Variants in EIF3H observed in about 807,000 individuals in gnomAD.
The protein encoded by EIF3H is eIF-3-gamma.
EIF3H carries 26 observed loss-of-function variants against 44.2 expected under a neutral mutation model. The observed-to-expected ratio is 0.59, with a 90% CI of 0.43 to 0.82. The LOEUF (loss-of-function observed/expected upper bound fraction) is 0.82. Ranked by LOEUF, EIF3H falls within the 40% of genes least tolerant of loss-of-function variation. The pLI is 0.00. For missense variants in EIF3H, 359 were observed against 432.8 expected, an observed-to-expected ratio of 0.83 and a Z score of 1.51; for synonymous variants, 166 against 151.9, an observed-to-expected ratio of 1.09 and a Z score of -0.68.
intron 1 of EIF3H, among the ~76,000 whole-genome samples, chr8:116,727,614 T>C (rs545057760): frequency 3.7e-4 from 56 of 152,230 alleles, no homozygotes; most frequent in Non-Finnish European, 3.5e-4. Context: ...GTCCTGAGTG[T>C]CAGCTTAACA....
At chr8:116,734,101 A>G (rs1383341573) in intron 1 of EIF3H, among the ~76,000 whole-genome samples, 1 of 152,258 alleles carries the variant, frequency 6.6e-6, no homozygotes. Flanking sequence ...CAAATTATGT[A>G]TTATTATGAA....
chr8:116,763,440 T>C (rs1815537135), intron 1 of EIF3H, among the ~76,000 whole-genome samples: 1 of 152,256 alleles, frequency 6.6e-6, no homozygotes, highest in Admixed American at 6.5e-5. Context: ...TTTTGTAATT[T>C]GAAATACATA....
At chr8:116,681,282 G>A (rs942918892) in intron 2 of EIF3H, among the ~76,000 whole-genome samples, 7 of 152,136 alleles carry the variant, frequency 4.6e-5, no homozygotes, top group Non-Finnish European at 1.5e-5. Flanking sequence ...AGAATCACTT[G>A]AACTGGGAGG....
At chr8:116,653,677 A>G (rs1004522853) in intron 5 of EIF3H, among the ~76,000 whole-genome samples, 3 of 152,198 alleles carry the variant, frequency 2.0e-5, no homozygotes, top group Non-Finnish European at 2.9e-5. Flanking sequence ...CTTTTTTTAA[A>G]AGAGGAAATA....
intron 1 of EIF3H, among the ~76,000 whole-genome samples, chr8:116,733,508 T>G (rs2130941457): frequency 6.6e-6 from 1 of 152,032 alleles, no homozygotes; most frequent in South Asian, 2.1e-4. Context: ...TAAAAGACAG[T>G]CCTATCACTC....
intron 1 of EIF3H, among the ~76,000 whole-genome samples, chr8:116,752,569 G>A (rs1388844958): frequency 6.6e-6 from 1 of 151,336 alleles, no homozygotes; most frequent in Non-Finnish European, 1.5e-5. Flanking sequence ...CTTACTGCTG[G>A]AATAAGGATC....
At chr8:116,698,193 T>C (rs200603152) in intron 2 of EIF3H, among the ~76,000 whole-genome samples, 2 of 152,172 alleles carry the variant, frequency 1.3e-5, no homozygotes, top group African/African-American at 2.4e-5. Context: ...AGTTTTTTTT[T>C]TAACCATGGC....
intron 2 of EIF3H, among the ~76,000 whole-genome samples, chr8:116,722,388 C>G (rs1291072535): frequency 6.6e-6 from 1 of 152,132 alleles, no homozygotes; most frequent in East Asian, 1.9e-4. Flanking sequence ...TCTTTATCAG[C>G]AGCATGAAAA....
chr8:116,737,306 AG>A (rs762923055), intron 1 of EIF3H: 133 of 433,038 alleles, frequency 3.1e-4, no homozygotes, highest in African/African-American at 2.6e-3. Flanking sequence ...GAAAAAAAAA[AG>A]ACTTTGTCAT....
At chr8:116,758,598 A>G (rs1281511199), upstream of EIF3H, among the ~76,000 whole-genome samples, 1 of 152,242 alleles carries the variant, frequency 6.6e-6, no homozygotes. Flanking sequence ...TGAACCATAA[A>G]CAAACCTCAG....
At position 116,643,250 on chromosome 8, in the gene EIF3H, G is replaced by C. The variant is rs1192489314; in HGVS notation, c.*1756C>G. On this transcript the variant is annotated 3_prime_UTR_variant, in exon 8 of 8. Transcript: ENST00000521861. Reference sequence around the variant, plus strand: ...CAAATTTGTGTTGACTCCAATTTAAGGTTATCACTATGGGTAGGAGGGCAA... The same window carrying C: ...CAAATTTGTGTTGACTCCAATTTAACGTTATCACTATGGGTAGGAGGGCAA... 1 of 151,330 alleles carries C rather than the reference G, an allele frequency of 6.6e-6. No individual in the cohort carries two copies. The highest frequency in any genetic ancestry group is 2.5e-5 in the African/African-American group (1 of 40,588). The allele number at this position is 151,330 out of a possible 1,614,324, so 9.4% of individuals were successfully genotyped here. A position where few individuals can be genotyped will look rare whatever the true frequency, so the allele number is the denominator to read the frequency against.
chr8:116,664,917 A>C (rs1813644007), intron 2 of EIF3H, among the ~76,000 whole-genome samples: 1 of 151,424 alleles, frequency 6.6e-6, no homozygotes, highest in Non-Finnish European at 1.5e-5. Context: ...ACAGAGAAAG[A>C]AATTACCACT....
At chr8:116,732,858 G>T (rs553437230) in intron 1 of EIF3H, among the ~76,000 whole-genome samples, 3 of 152,242 alleles carry the variant, frequency 2.0e-5, no homozygotes, top group Admixed American at 2.0e-4. Context: ...CAGATGTGTG[G>T]GTTCTTTCTA....
At chr8:116,663,827 A>C (rs1045678213) in intron 2 of EIF3H, among the ~76,000 whole-genome samples, 3 of 150,244 alleles carry the variant, frequency 2.0e-5, no homozygotes, top group African/African-American at 7.3e-5. Flanking sequence ...GCTACTTGAG[A>C]GGCTGAGGCG....
intron 2 of EIF3H, among the ~76,000 whole-genome samples, chr8:116,686,742 A>G (rs1261929254): frequency 3.9e-5 from 6 of 152,138 alleles, no homozygotes; most frequent in African/African-American, 1.4e-4. Flanking sequence ...TGCAGAGGAA[A>G]TGATACCTCT....
intron 2 of EIF3H, among the ~76,000 whole-genome samples, chr8:116,700,484 T>C (rs1814355288): frequency 6.6e-6 from 1 of 152,210 alleles, no homozygotes; most frequent in Non-Finnish European, 1.5e-5. Flanking sequence ...ACAATTCTTC[T>C]TCTTCCAGTG....
At chr8:116,739,797 G>C (rs528460400) in intron 1 of EIF3H, among the ~76,000 whole-genome samples, 1 of 152,208 alleles carries the variant, frequency 6.6e-6, no homozygotes, top group African/African-American at 2.4e-5. Flanking sequence ...CGCTGGGTTA[G>C]GGTCTCCCCG....
intron 2 of EIF3H, among the ~76,000 whole-genome samples, chr8:116,713,874 G>C (rs529467482): frequency 1.2e-4 from 19 of 152,156 alleles, no homozygotes; most frequent in Admixed American, 1.2e-3. Flanking sequence ...TCATAATTCA[G>C]TGTACAGATT....
At chr8:116,743,668 G>A (rs1815167819) in intron 1 of EIF3H, among the ~76,000 whole-genome samples, 1 of 150,820 alleles carries the variant, frequency 6.6e-6, no homozygotes, top group African/African-American at 2.4e-5. Context: ...TAAGGTGGGA[G>A]GATCACTTGA....
Sources: allele counts gnomAD v4.1 joint callset (sites outside exome capture counted in the v4.1 genomes callset), GRCh38; gene constraint gnomAD v4.1.1; transcripts MANE v1.5; gene names NCBI Gene and HGNC (gene_info 2026-07-23, HGNC 2026-07-21).